ACTR3C: variants seen among roughly 807,000 people sequenced by gnomAD.
ACTR3C encodes actin related protein 3C.
Under a neutral mutation model 26.3 loss-of-function variants are expected in ACTR3C, and 18 were observed. The observed-to-expected ratio is 0.68, with a 90% CI of 0.47 to 1.01. ACTR3C has a LOEUF of 1.01. Ranked by LOEUF, ACTR3C falls within the 50% of genes least tolerant of loss-of-function variation. The pLI is 0.00. For missense variants in ACTR3C, 184 were observed against 250.7 expected, an observed-to-expected ratio of 0.73 and a Z score of 1.80; for synonymous variants, 55 against 94.5, an observed-to-expected ratio of 0.58 and a Z score of 2.42.
chr7:150,050,299 A>G, the ACTR3C span, among the ~76,000 whole-genome samples: 1 of 152,226 alleles, frequency 6.6e-6, no homozygotes, highest in East Asian at 1.9e-4. Context: ...ACAAAATACA[A>G]TACTTATGCA....
the ACTR3C span, among the ~76,000 whole-genome samples, chr7:149,905,282 A>C: frequency 6.6e-6 from 1 of 152,158 alleles, no homozygotes; most frequent in Non-Finnish European, 1.5e-5. Context: ...ATTCCCAAGC[A>C]TAAATGGTAC....
chr7:150,312,613 T>G (rs1247445130), intron 1 of ACTR3C, among the ~76,000 whole-genome samples: 2 of 152,206 alleles, frequency 1.3e-5, no homozygotes, highest in African/African-American at 4.8e-5. Flanking sequence ...TGGCACCTTG[T>G]TAGCTACATA....
chr7:149,915,257 A>C, the ACTR3C span, among the ~76,000 whole-genome samples: 146,465 of 151,872 alleles, frequency 0.96, 70,852 homozygotes, highest in East Asian at 1. Flanking sequence ...TAAGGGAATT[A>C]AAAAAGATGA....
chr7:150,104,589 G>A, the ACTR3C span, among the ~76,000 whole-genome samples: 3 of 151,424 alleles, frequency 2.0e-5, no homozygotes, highest in Non-Finnish European at 4.4e-5. Context: ...AGTGCCATCT[G>A]TTAACTCATC....
At position 150,273,548 on chromosome 7, in the gene ACTR3C, C is replaced by T. The variant is rs1280389486; in HGVS notation, c.564+11205G>A. Among the ~76,000 whole-genome samples, 8 of 150,612 alleles carry T rather than the reference C, an allele frequency of 5.3e-5. No homozygotes were observed. The South Asian group carries it at 8.5e-4, about 16-fold the overall frequency. On this transcript the variant is annotated intron_variant, in intron 6 of 7. Transcript: ENST00000683684. ...TCCCGAAGTGATGGGATTACAGAGG[C>T]GTGAGCCCCTGCACCCAGCTTAACA...
chr7:150,029,399 AAAAC>A, the ACTR3C span, among the ~76,000 whole-genome samples: 2 of 94,448 alleles, frequency 2.1e-5, no homozygotes, highest in South Asian at 3.7e-4. Flanking sequence ...ATCTTTATCA[AAAAC>A]AAAAAAAAAA....
At chr7:150,100,525 A>G in the ACTR3C span, among the ~76,000 whole-genome samples, 17 of 151,738 alleles carry the variant, frequency 1.1e-4, 2 homozygotes, top group African/African-American at 4.1e-4. Context: ...TGGTTCTGAC[A>G]ATCATAAAAC....
the ACTR3C span, among the ~76,000 whole-genome samples, chr7:150,104,639 T>C: frequency 6.6e-6 from 1 of 151,438 alleles, no homozygotes; most frequent in East Asian, 1.9e-4. Flanking sequence ...TGACAGGAAA[T>C]GAATGAGACA....
At chr7:149,923,966 C>T in the ACTR3C span, among the ~76,000 whole-genome samples, 5,415 of 151,738 alleles carry the variant, frequency 0.036, 333 homozygotes, top group African/African-American at 0.12. Context: ...CACTGCACTC[C>T]AGCCTGTACG....
chr7:150,158,715 C>A, the ACTR3C span, among the ~76,000 whole-genome samples: 3 of 152,182 alleles, frequency 2.0e-5, no homozygotes, highest in South Asian at 6.2e-4. Flanking sequence ...ATAAGCTCTG[C>A]AGATCTAATG....
At chr7:150,151,314 G>C in the ACTR3C span, among the ~76,000 whole-genome samples, 1 of 138,106 alleles carries the variant, frequency 7.2e-6, no homozygotes. Context: ...GGAAACCTTA[G>C]CTAGCTTCTT....
chr7:150,031,292 A>C, the ACTR3C span, among the ~76,000 whole-genome samples: 1 of 151,892 alleles, frequency 6.6e-6, no homozygotes, highest in Non-Finnish European at 1.5e-5. Context: ...AAAAAAACAA[A>C]TCTGAACCTA....
At chr7:150,104,073 G>T in the ACTR3C span, among the ~76,000 whole-genome samples, 2 of 151,598 alleles carry the variant, frequency 1.3e-5, no homozygotes, top group Non-Finnish European at 2.9e-5. Flanking sequence ...CTACATTCTG[G>T]TGTGTACTTT....
the ACTR3C span, among the ~76,000 whole-genome samples, chr7:150,169,388 G>GA: frequency 0.018 from 2,169 of 120,116 alleles, 92 homozygotes; most frequent in African/African-American, 0.038. Context: ...ATTTCAAAAG[G>GA]AAAAAAAAAA....
the ACTR3C span, among the ~76,000 whole-genome samples, chr7:149,974,710 A>G: frequency 6.6e-6 from 1 of 152,082 alleles, no homozygotes; most frequent in Non-Finnish European, 1.5e-5. Context: ...ATAGGTCTGG[A>G]GAGAAATGAG....
chr7:150,092,435 C>G, the ACTR3C span, among the ~76,000 whole-genome samples: 1 of 151,286 alleles, frequency 6.6e-6, no homozygotes, highest in Admixed American at 6.6e-5. Context: ...TTCTCTGGCT[C>G]TCTTGTTTCT....
chr7:149,917,496 C>T, the ACTR3C span, among the ~76,000 whole-genome samples: 9 of 152,256 alleles, frequency 5.9e-5, no homozygotes, highest in South Asian at 1.9e-3. Context: ...GAAAATTAAC[C>T]TATTGTTGAC....
chr7:150,204,215 A>G, the ACTR3C span, among the ~76,000 whole-genome samples: 2 of 144,712 alleles, frequency 1.4e-5, no homozygotes, highest in Non-Finnish European at 3.0e-5. Context: ...AAGCATAAGC[A>G]ATGCTACCTA....
At chr7:150,266,504 G>A (rs28413113) in intron 6 of ACTR3C, among the ~76,000 whole-genome samples, 4,637 of 151,886 alleles carry the variant, frequency 0.031, 240 homozygotes, top group African/African-American at 0.11. Flanking sequence ...TAAAAACTTC[G>A]TAATTTTGTG....
Sources: allele counts gnomAD v4.1 joint callset (sites outside exome capture counted in the v4.1 genomes callset), GRCh38; gene constraint gnomAD v4.1.1; transcripts MANE v1.5; gene names NCBI Gene and HGNC (gene_info 2026-07-23, HGNC 2026-07-21).